The following CEMIP variants were observed in gnomAD, a reference collection of about 807,000 sequenced individuals.
CEMIP encodes the protein cell migration-inducing and hyaluronan-binding protein.
Under a neutral mutation model 156.9 loss-of-function variants are expected in CEMIP, and 105 were observed. The ratio of observed to expected loss-of-function variants is 0.67; its 90% CI spans 0.57 to 0.79. The LOEUF is 0.79. Ranked by LOEUF, CEMIP falls within the 30% of genes least tolerant of loss-of-function variation. The pLI, the probability that CEMIP is intolerant of heterozygous loss-of-function variation, is 0.00. For missense variants in CEMIP, 1,457 were observed against 1,769.4 expected (o/e 0.82, Z 3.17); for synonymous variants, 676 against 668.4 (o/e 1.01, Z -0.17).
At position 80,936,691 on chromosome 15, in the gene CEMIP, C is replaced by CA; in HGVS notation, c.3029dup (p.Thr1011AspfsTer3). On this transcript the variant is annotated frameshift_variant, in exon 24 of 30. Coordinates refer to ENST00000394685, the MANE Select transcript of CEMIP (RefSeq NM_001293298.2). LOFTEE classifies it high-confidence loss of function. Reference sequence around the variant, plus strand: ...TTTAAAAGATGTACATTCAAGCCTACAAGACCAGTAACCTGCGAATGAAGA... The same window carrying CA: ...TTTAAAAGATGTACATTCAAGCCTACAAAGACCAGTAACCTGCGAATGAAGA... 6.2e-7 allele frequency: 1 copy of CA among 1,614,010 alleles called. No homozygotes were observed. The highest frequency in any genetic ancestry group is 8.5e-7 in the Non-Finnish European group (1 of 1,179,946).
intron 1 of CEMIP, among the ~76,000 whole-genome samples, chr15:80,836,355 G>A (rs1461317019): frequency 6.6e-6 from 1 of 152,194 alleles, no homozygotes; most frequent in Non-Finnish European, 1.5e-5. Flanking sequence ...CTTCCTCTGT[G>A]AGAAATTAAG....
chr15:80,785,390 A>G (rs940374280), intron 1 of CEMIP, among the ~76,000 whole-genome samples: 12 of 152,220 alleles, frequency 7.9e-5, no homozygotes, highest in African/African-American at 2.9e-4. Flanking sequence ...TCACCAGTAC[A>G]TTCTGGGTAG....
rs1900498341 is a variant in CEMIP, at chr15:80,922,127, C to A, written c.2192C>A (p.Ser731Tyr). 1.2e-6 allele frequency: 2 copies of A among 1,614,258 alleles called. No homozygotes were observed. The highest frequency in any genetic ancestry group is 4.5e-5 in the East Asian group (2 of 44,888). Residue 731 changes from serine to tyrosine, a missense_variant, in exon 17 of 30, where the codon TCC (serine) becomes TAC (tyrosine). Coordinates refer to ENST00000394685, the MANE Select transcript of CEMIP (RefSeq NM_001293298.2). ...AAATTCTATAACAACCGAGCACATT[C>A]CAACTACCGGGTAAGTCTTTCCAGG... is the stretch of plus-strand genomic sequence containing the variant. ...LGKFYNNRAHSNYRAGMIIDN... is the reference protein window; with the variant it reads ...LGKFYNNRAHYNYRAGMIIDN...
intron 1 of CEMIP, among the ~76,000 whole-genome samples, chr15:80,867,877 C>T (rs1371622112): frequency 2.0e-5 from 3 of 151,990 alleles, no homozygotes; most frequent in African/African-American, 4.8e-5. Context: ...GGCAGGGGGG[C>T]GGCGTGTTTG....
intron 1 of CEMIP, among the ~76,000 whole-genome samples, chr15:80,793,921 G>A (rs1896149858): frequency 6.6e-6 from 1 of 152,208 alleles, no homozygotes; most frequent in African/African-American, 2.4e-5. Flanking sequence ...CTTAATAGGT[G>A]CTCATTACAG....
rs536089272 is a variant in CEMIP, at chr15:80,919,800, G to A, written c.1798-294G>A. On this transcript the variant is annotated intron_variant, in intron 14 of 29. Coordinates refer to ENST00000394685, the MANE Select transcript of CEMIP (RefSeq NM_001293298.2). ...ACTGCACTCCAGTCTGGGCGACAAA[G>A]TGAGACTCCATCTCAAAAAAAAAAA... Among the ~76,000 whole-genome samples, 15 of 126,598 alleles carry A rather than the reference G, an allele frequency of 1.2e-4. No individual in the cohort carries two copies. The South Asian group carries it at 4.8e-3, about 41-fold the overall frequency. 83.1% of individuals were successfully genotyped at this position (126,598 alleles called of 152,430 possible). A position where few individuals can be genotyped will look rare whatever the true frequency, so the allele number is the denominator to read the frequency against.
At chr15:80,814,319 G>T (rs1029869642) in intron 1 of CEMIP, among the ~76,000 whole-genome samples, 44 of 152,066 alleles carry the variant, frequency 2.9e-4, no homozygotes, top group African/African-American at 9.9e-4. Context: ...AAAGTGCTAG[G>T]ATTACAGGTG....
At chr15:80,937,150 A>C (rs1015482520) in intron 24 of CEMIP, among the ~76,000 whole-genome samples, 1 of 152,234 alleles carries the variant, frequency 6.6e-6, no homozygotes, top group African/African-American at 2.4e-5. Context: ...ATTACCTTGC[A>C]GGAGTGCAAT....
intron 10 of CEMIP, among the ~76,000 whole-genome samples, chr15:80,893,198 T>C (rs908890962): frequency 8.3e-6 from 1 of 120,114 alleles, no homozygotes; most frequent in Non-Finnish European, 1.9e-5. Context: ...AATAAATAAA[T>C]GAAATGAAAT....
intron 1 of CEMIP, among the ~76,000 whole-genome samples, chr15:80,871,710 A>C (rs892394291): frequency 6.6e-6 from 1 of 152,050 alleles, no homozygotes; most frequent in African/African-American, 2.4e-5. Flanking sequence ...AACTATTCAT[A>C]CCTTTGGTTT....
chr15:80,877,181 A>G (rs1298230744), intron 3 of CEMIP, among the ~76,000 whole-genome samples: 1 of 152,160 alleles, frequency 6.6e-6, no homozygotes, highest in Non-Finnish European at 1.5e-5. Flanking sequence ...CTCACAACAC[A>G]TGGGAATTGT....
chr15:80,782,202 G>T (rs533982534), intron 1 of CEMIP, among the ~76,000 whole-genome samples: 2 of 152,322 alleles, frequency 1.3e-5, no homozygotes, highest in South Asian at 4.1e-4. Context: ...TCACAAGAAT[G>T]CAAGGTCTTC....
intron 14 of CEMIP, among the ~76,000 whole-genome samples, chr15:80,910,560 T>C (rs938761809): frequency 1.4e-4 from 21 of 152,248 alleles, no homozygotes; most frequent in African/African-American, 5.1e-4. Flanking sequence ...GTCTGTTGTT[T>C]CTGTGTTTTA....
At chr15:80,940,347 C>T (rs1901289942) in intron 25 of CEMIP, among the ~76,000 whole-genome samples, 1 of 152,230 alleles carries the variant, frequency 6.6e-6, no homozygotes, top group Non-Finnish European at 1.5e-5. Context: ...TATATAATGG[C>T]AACAAGGAAA....
intron 1 of CEMIP, among the ~76,000 whole-genome samples, chr15:80,814,569 T>G (rs1896748431): frequency 1.3e-5 from 2 of 152,218 alleles, no homozygotes; most frequent in African/African-American, 4.8e-5. Context: ...ATTCTTCTCC[T>G]GCATCTTCCC....
At chr15:80,799,215 T>C (rs191879912) in intron 1 of CEMIP, among the ~76,000 whole-genome samples, 1 of 152,348 alleles carries the variant, frequency 6.6e-6, no homozygotes, top group Non-Finnish European at 1.5e-5. Flanking sequence ...AGCTTAGGGA[T>C]GTTCTGCACT....
At chr15:80,946,636 G>A (rs1375572304) in intron 28 of CEMIP, 5 of 350,798 alleles carry the variant, frequency 1.4e-5, no homozygotes, top group African/African-American at 4.2e-5. Flanking sequence ...CCTACTGTGT[G>A]CCGAGCCCTG....
At chr15:80,886,004 A>C (rs1186138182) in intron 7 of CEMIP, among the ~76,000 whole-genome samples, 1 of 152,102 alleles carries the variant, frequency 6.6e-6, no homozygotes, top group Non-Finnish European at 1.5e-5. Flanking sequence ...TGAGACTTGG[A>C]CCCTTCATTT....
chr15:80,891,209 G>T, intron 10 of CEMIP, among the ~76,000 whole-genome samples: 1 of 152,198 alleles, frequency 6.6e-6, no homozygotes, highest in East Asian at 1.9e-4. Context: ...TGCTCTGCCA[G>T]TTTTCTGGCT....
Sources: allele counts gnomAD v4.1 joint callset (sites outside exome capture counted in the v4.1 genomes callset), GRCh38; gene constraint gnomAD v4.1.1; transcripts MANE v1.5; gene names NCBI Gene and HGNC (gene_info 2026-07-23, HGNC 2026-07-21).